The following SYNJ2BP variants were observed in gnomAD, a reference collection of about 807,000 sequenced individuals.
SYNJ2BP encodes synaptojanin 2 binding protein.
SYNJ2BP carries 10 observed loss-of-function variants against 16.9 expected under a neutral mutation model. The ratio of observed to expected loss-of-function variants is 0.59; its 90% CI spans 0.36 to 1.00. The LOEUF (loss-of-function observed/expected upper bound fraction) is 1.00. SYNJ2BP is among the 50% of genes least tolerant of loss of function. SYNJ2BP has a pLI of 0.01. For missense variants in SYNJ2BP, 162 were observed against 186.7 expected (o/e 0.87, Z 0.77); for synonymous variants, 54 against 68.4 (o/e 0.79, Z 1.04).
rs375529251 is a variant in SYNJ2BP, at chr14:70,411,178, A to T, written c.64+5722T>A. ...CACACAGACCTGGATCGAAATCTTC[A>T]CTTAAAGAGTTGTATAATGCAGAAG... is the stretch of plus-strand genomic sequence containing the variant. On this transcript the variant is annotated intron_variant, in intron 1 of 3. Coordinates refer to ENST00000256366, the MANE Select transcript of SYNJ2BP (RefSeq NM_018373.3). Among the ~76,000 whole-genome samples the T allele has an allele frequency of 3.9e-5, 6 of 152,198 alleles. No individual in the cohort carries two copies. In the East Asian group the frequency reaches 1.2e-3, roughly 29 times the overall value.
In SYNJ2BP at chr14:70,372,715, T is replaced by G. The variant is rs2140803383; in HGVS notation, c.*276A>C. Reference sequence around the variant, plus strand: ...ACAGGAAGACTCAATCTTTCTCTCTTTGGGTTGTAGCTGAATTTCTATCAA... The same window carrying G: ...ACAGGAAGACTCAATCTTTCTCTCTGTGGGTTGTAGCTGAATTTCTATCAA... On this transcript the variant is annotated 3_prime_UTR_variant, in exon 4 of 4. Coordinates refer to ENST00000256366, the MANE Select transcript of SYNJ2BP (RefSeq NM_018373.3). The G allele has an allele frequency of 3.1e-6, 1 of 318,726 alleles. No homozygotes were observed. Among genetic ancestry groups the G allele is most frequent in the Non-Finnish European group, 5.7e-6 (1 of 176,474 alleles). The allele number at this position is 318,726 out of a possible 1,614,324, so 19.7% of individuals were successfully genotyped here. A position where few individuals can be genotyped will look rare whatever the true frequency, so the allele number is the denominator to read the frequency against.
At chr14:70,389,801 T>C (rs1207914365) in intron 1 of SYNJ2BP, among the ~76,000 whole-genome samples, 5 of 152,214 alleles carry the variant, frequency 3.3e-5, no homozygotes, top group African/African-American at 7.2e-5. Context: ...TTATTCACTG[T>C]AGAAAAAACT....
rs926674481 is a variant in SYNJ2BP, at chr14:70,368,324, GAAGA to G, written c.*4663_*4666del. On this transcript the variant is annotated 3_prime_UTR_variant, in exon 4 of 4. Transcript: ENST00000256366. ...TGGTCTTTATTCAGGCCCAAAGAGAGAAGAAAGAAGTAGACTAAGATAAAATGGG... is the reference window on the plus strand; with the variant it reads ...TGGTCTTTATTCAGGCCCAAAGAGAGAAGAAGTAGACTAAGATAAAATGGG... 1.8e-4 allele frequency: 27 copies of G among 152,162 alleles called. No individual in the cohort carries two copies. Among genetic ancestry groups the G allele is most frequent in the African/African-American group, 6.5e-4 (27 of 41,432 alleles). 9.4% of individuals were successfully genotyped at this position (152,162 alleles called of 1,614,324 possible). A position where few individuals can be genotyped will look rare whatever the true frequency, so the allele number is the denominator to read the frequency against.
Position 70,366,624 on chromosome 14 carries a change from T to A in SYNJ2BP, c.*6367A>T, listed in dbSNP as rs1266698106. 1 of 152,240 alleles carries A rather than the reference T, an allele frequency of 6.6e-6. No homozygotes were observed. Among genetic ancestry groups the A allele is most frequent in the Non-Finnish European group, 1.5e-5 (1 of 68,038 alleles). 9.4% of individuals were successfully genotyped at this position (152,240 alleles called of 1,614,324 possible). On this transcript the variant is annotated 3_prime_UTR_variant, in exon 4 of 4. Coordinates refer to ENST00000256366, the MANE Select transcript of SYNJ2BP (RefSeq NM_018373.3). ...CCTGAAAGATTACCATAGATTTTGATGGCCTCATTAACATAATTAATCCGT... is the reference window on the plus strand; with the variant it reads ...CCTGAAAGATTACCATAGATTTTGAAGGCCTCATTAACATAATTAATCCGT...
chr14:70,377,319 G>A (rs1441484339), intron 2 of SYNJ2BP, among the ~76,000 whole-genome samples: 1 of 152,068 alleles, frequency 6.6e-6, no homozygotes, highest in Non-Finnish European at 1.5e-5. Context: ...GCCATATTCT[G>A]CAATCCTTTT....
At chr14:70,378,228 T>C (rs1474524459) in intron 2 of SYNJ2BP, among the ~76,000 whole-genome samples, 2 of 152,124 alleles carry the variant, frequency 1.3e-5, no homozygotes, top group East Asian at 3.9e-4. Context: ...GCTTTAACAG[T>C]TTCAACCATA....
chr14:70,389,501 T>G (rs1343441328), intron 1 of SYNJ2BP, among the ~76,000 whole-genome samples: 3 of 151,930 alleles, frequency 2.0e-5, no homozygotes, highest in Admixed American at 6.6e-5. Context: ...TACTCTCCCT[T>G]CCTTCGCTAC....
intron 1 of SYNJ2BP, among the ~76,000 whole-genome samples, chr14:70,413,875 G>A (rs1037850462): frequency 2.6e-5 from 4 of 152,132 alleles, no homozygotes; most frequent in African/African-American, 4.8e-5. Context: ...ACATGTTCTC[G>A]GATCTGATTA....
At chr14:70,379,437 C>T (rs185782097) in intron 2 of SYNJ2BP, among the ~76,000 whole-genome samples, 16 of 152,272 alleles carry the variant, frequency 1.1e-4, no homozygotes, top group Non-Finnish European at 1.8e-4. Context: ...CTGACTGGGA[C>T]ATAAAACATA....
At chr14:70,394,349 T>C (rs746495819) in intron 1 of SYNJ2BP, among the ~76,000 whole-genome samples, 40 of 151,826 alleles carry the variant, frequency 2.6e-4, no homozygotes, top group Non-Finnish European at 3.5e-4. Context: ...AACATACTGA[T>C]GATAACAGTG....
intron 2 of SYNJ2BP, among the ~76,000 whole-genome samples, chr14:70,386,602 C>G (rs1887864773): frequency 1.3e-5 from 2 of 152,170 alleles, no homozygotes; most frequent in Admixed American, 1.3e-4. Flanking sequence ...CCTGATCACT[C>G]AAATACTCAG....
intron 2 of SYNJ2BP, among the ~76,000 whole-genome samples, chr14:70,377,413 A>C (rs1373406727): frequency 6.6e-6 from 1 of 152,204 alleles, no homozygotes; most frequent in Non-Finnish European, 1.5e-5. Flanking sequence ...ACTCCAGCTC[A>C]TCCTTAAAAC....
chr14:70,399,221 G>A (rs748602664), intron 1 of SYNJ2BP, among the ~76,000 whole-genome samples: 32 of 152,162 alleles, frequency 2.1e-4, no homozygotes, highest in Non-Finnish European at 2.8e-4. Flanking sequence ...GTGTAGAAGC[G>A]TGGCACTGCC....
chr14:70,403,176 C>T (rs983894548), intron 1 of SYNJ2BP, among the ~76,000 whole-genome samples: 1 of 152,180 alleles, frequency 6.6e-6, no homozygotes, highest in East Asian at 1.9e-4. Flanking sequence ...AATCAAGGAA[C>T]TGGTAGTCTA....
chr14:70,387,606 C>T (rs760328713), intron 2 of SYNJ2BP, among the ~76,000 whole-genome samples: 24 of 151,942 alleles, frequency 1.6e-4, no homozygotes, highest in Non-Finnish European at 3.1e-4. Context: ...CTGAGGTGGG[C>T]GAATCATGAG....
chr14:70,396,891 T>C (rs1028780992), intron 1 of SYNJ2BP, among the ~76,000 whole-genome samples: 2 of 152,220 alleles, frequency 1.3e-5, no homozygotes, highest in Non-Finnish European at 2.9e-5. Context: ...TATTAACTTC[T>C]TAGCAAATAA....
At chr14:70,414,294 T>C (rs1194355187) in intron 1 of SYNJ2BP, among the ~76,000 whole-genome samples, 1 of 152,206 alleles carries the variant, frequency 6.6e-6, no homozygotes, top group Non-Finnish European at 1.5e-5. Flanking sequence ...CTTATATAAT[T>C]AATACATGGA....
intron 1 of SYNJ2BP, among the ~76,000 whole-genome samples, chr14:70,400,883 A>G (rs1888220365): frequency 6.6e-6 from 1 of 152,210 alleles, no homozygotes; most frequent in Non-Finnish European, 1.5e-5. Flanking sequence ...GGGGTGTGGC[A>G]TATGTTCCCC....
In SYNJ2BP at chr14:70,366,786, A is replaced by C. The variant is rs1334639765; in HGVS notation, c.*6205T>G. 4.6e-5 allele frequency: 7 copies of C among 152,252 alleles called. No individual in the cohort carries two copies. The highest frequency in any genetic ancestry group is 1.2e-4 in the African/African-American group (5 of 41,468). 9.4% of individuals were successfully genotyped at this position (152,252 alleles called of 1,614,324 possible). A position where few individuals can be genotyped will look rare whatever the true frequency, so the allele number is the denominator to read the frequency against. On this transcript the variant is annotated 3_prime_UTR_variant, in exon 4 of 4. Coordinates refer to ENST00000256366, the MANE Select transcript of SYNJ2BP (RefSeq NM_018373.3). The stretch of plus-strand genomic sequence containing the variant: ...GGTATGCAATGTGACATTAGAATTG[A>C]AGCAGAAAGGAAGCAAAACAAAACA...
Sources: allele counts gnomAD v4.1 joint callset (sites outside exome capture counted in the v4.1 genomes callset), GRCh38; gene constraint gnomAD v4.1.1; transcripts MANE v1.5; gene names NCBI Gene and HGNC (gene_info 2026-07-23, HGNC 2026-07-21).